ZNF407: variants seen among roughly 807,000 people sequenced by gnomAD.
ZNF407 encodes the protein zinc finger protein 407.
A neutral mutation model predicts 131.2 loss-of-function variants in ZNF407; 17 were observed. The observed-to-expected ratio is 0.13, with a 90% CI of 0.09 to 0.19. The LOEUF is 0.19. Ranked by LOEUF, ZNF407 falls within the 10% of genes least tolerant of loss-of-function variation. The probability of loss-of-function intolerance (pLI) is 1.00; values close to 1 mark genes in which losing one functional copy is unlikely to be tolerated. For synonymous variants in ZNF407, 1,156 were observed against 1,062.0 expected (o/e 1.09, Z -1.72); for missense variants, 2,681 against 2,830.6 (o/e 0.95, Z 1.20).
intron 8 of ZNF407, among the ~76,000 whole-genome samples, chr18:74,930,245 T>A (rs941129580): frequency 3.9e-5 from 6 of 152,206 alleles, no homozygotes. Flanking sequence ...AATAGTGTGA[T>A]GTTTACTCAT....
chr18:74,728,618 G>A (rs963437627), intron 3 of ZNF407, among the ~76,000 whole-genome samples: 3 of 152,162 alleles, frequency 2.0e-5, no homozygotes, highest in African/African-American at 7.2e-5. Flanking sequence ...TACCTCCACC[G>A]AGGGAGAGAT....
chr18:74,700,854 T>G (rs866482510), intron 3 of ZNF407, among the ~76,000 whole-genome samples: 97 of 152,306 alleles, frequency 6.4e-4, no homozygotes, highest in African/African-American at 2.0e-3. Flanking sequence ...TGTCAAACAT[T>G]GGAGCGTATT....
chr18:74,782,240 C>T (rs1249517597), intron 4 of ZNF407, among the ~76,000 whole-genome samples: 1 of 152,160 alleles, frequency 6.6e-6, no homozygotes, highest in Non-Finnish European at 1.5e-5. Flanking sequence ...ATCCAAAATT[C>T]TACAGATACT....
chr18:74,895,587 T>C, intron 7 of ZNF407, among the ~76,000 whole-genome samples: 1 of 152,212 alleles, frequency 6.6e-6, no homozygotes, highest in Middle Eastern at 3.2e-3. Flanking sequence ...TTTTCATTTC[T>C]CCTGAAAGTT....
At chr18:74,736,037 C>G (rs562647603) in intron 3 of ZNF407, among the ~76,000 whole-genome samples, 1 of 152,172 alleles carries the variant, frequency 6.6e-6, no homozygotes. Flanking sequence ...AAAGGTCACT[C>G]TCATTTGCAT....
At chr18:74,727,769 G>C (rs577520293) in intron 3 of ZNF407, among the ~76,000 whole-genome samples, 1 of 152,324 alleles carries the variant, frequency 6.6e-6, no homozygotes, top group Admixed American at 6.5e-5. Flanking sequence ...GCAGGTGATG[G>C]GGTTATTGAA....
intron 8 of ZNF407, among the ~76,000 whole-genome samples, chr18:74,980,255 C>CTT (rs5826360): frequency 2.9e-5 from 4 of 138,758 alleles, no homozygotes; most frequent in Admixed American, 7.1e-5. Flanking sequence ...CTTCCCCATG[C>CTT]TTTTTTTTTT....
At chr18:74,859,407 G>C (rs1388335303) in intron 4 of ZNF407, among the ~76,000 whole-genome samples, 1 of 152,126 alleles carries the variant, frequency 6.6e-6, no homozygotes, top group African/African-American at 2.4e-5. Context: ...ACACTGGAAA[G>C]ATCAAATGTG....
chr18:74,769,425 A>G (rs532306023), intron 3 of ZNF407, among the ~76,000 whole-genome samples: 1 of 151,086 alleles, frequency 6.6e-6, no homozygotes, highest in Non-Finnish European at 1.5e-5. Flanking sequence ...AAAGTTTCCA[A>G]TGAGTATCTC....
chr18:75,058,301 C>T (rs1973584903), intron 8 of ZNF407, among the ~76,000 whole-genome samples: 1 of 152,210 alleles, frequency 6.6e-6, no homozygotes, highest in South Asian at 2.1e-4. Flanking sequence ...CAGTAACTAC[C>T]TTTTTATTCC....
At chr18:74,859,896 T>C (rs1970913375) in intron 4 of ZNF407, among the ~76,000 whole-genome samples, 1 of 152,130 alleles carries the variant, frequency 6.6e-6, no homozygotes, top group Non-Finnish European at 1.5e-5. Flanking sequence ...CTTTTTTCCT[T>C]CCAGTAGCTC....
intron 4 of ZNF407, among the ~76,000 whole-genome samples, chr18:74,784,086 C>G (rs899671332): frequency 6.6e-6 from 1 of 152,162 alleles, no homozygotes; most frequent in Non-Finnish European, 1.5e-5. Context: ...GAAGCAAACC[C>G]TTCGTCAGTA....
intron 8 of ZNF407, among the ~76,000 whole-genome samples, chr18:74,924,214 C>T (rs940183867): frequency 1.3e-5 from 2 of 152,130 alleles, no homozygotes; most frequent in Non-Finnish European, 2.9e-5. Context: ...GAATGAAGTA[C>T]AGTGGTCTAG....
intron 8 of ZNF407, among the ~76,000 whole-genome samples, chr18:74,955,140 A>T (rs114657293): frequency 0.011 from 1,642 of 152,154 alleles, 31 homozygotes; most frequent in African/African-American, 0.037. Flanking sequence ...GGTAGTGCTG[A>T]GGGGCCGTTT....
At chr18:74,871,405 A>G (rs1971085021) in intron 4 of ZNF407, among the ~76,000 whole-genome samples, 1 of 152,212 alleles carries the variant, frequency 6.6e-6, no homozygotes, top group South Asian at 2.1e-4. Context: ...AAATTGTTAT[A>G]AACTTCGTTA....
At chr18:74,830,820 T>G in intron 4 of ZNF407, among the ~76,000 whole-genome samples, 1 of 152,212 alleles carries the variant, frequency 6.6e-6, no homozygotes, top group East Asian at 1.9e-4. Flanking sequence ...ATATTATTGT[T>G]AAATGTAGTC....
intron 8 of ZNF407, among the ~76,000 whole-genome samples, chr18:74,995,862 G>A (rs1002587589): frequency 1.3e-5 from 2 of 152,110 alleles, no homozygotes; most frequent in Non-Finnish European, 2.9e-5. Context: ...AGAGTGAGTG[G>A]TTTTGTTATT....
At chr18:74,774,460 A>G (rs1969426464) in intron 3 of ZNF407, among the ~76,000 whole-genome samples, 1 of 152,202 alleles carries the variant, frequency 6.6e-6, no homozygotes, top group Non-Finnish European at 1.5e-5. Context: ...CGAGATTACT[A>G]CCTTAAACAA....
Position 74,989,758 on chromosome 18 carries a change from G to T in ZNF407, c.5428+69066G>T, listed in dbSNP as rs1470863364. 2.6e-5 allele frequency among the ~76,000 whole-genome samples: 4 copies of T among 151,518 alleles called. No homozygotes were observed. The East Asian group carries it at 5.9e-4, about 22-fold the overall frequency. ...CTCAGGAGGCCAAGGCAGGAGAATC[G>T]CTTGAACCCAGGAGGTGGAGGTTGC... On this transcript the variant is annotated intron_variant, in intron 8 of 8. Transcript: ENST00000299687.
Sources: allele counts gnomAD v4.1 joint callset (sites outside exome capture counted in the v4.1 genomes callset), GRCh38; gene constraint gnomAD v4.1.1; transcripts MANE v1.5; gene names NCBI Gene and HGNC (gene_info 2026-07-23, HGNC 2026-07-21).